SLC5A7: variants seen among roughly 807,000 people sequenced by gnomAD.
The protein encoded by SLC5A7 is solute carrier family 5 member 7, also known as high affinity choline transporter 1.
A neutral mutation model predicts 55.4 loss-of-function variants in SLC5A7; 19 were observed. The ratio of observed to expected loss-of-function variants is 0.34; its 90% CI spans 0.24 to 0.50. The LOEUF is 0.50. SLC5A7 is among the 20% of genes least tolerant of loss of function. The probability of loss-of-function intolerance (pLI) is 0.98; values close to 1 mark genes in which losing one functional copy is unlikely to be tolerated. For synonymous variants in SLC5A7, 265 were observed against 263.7 expected (o/e 1.00, Z -0.05); for missense variants, 506 against 705.3 (o/e 0.72, Z 3.20).
rs543338077 is a variant in SLC5A7, at chr2:107,988,181, T to C, written c.26T>C (p.Ile9Thr). MAFHVEGL[I>T]AIIVFYLLIL... is the part of the protein sequence containing the mutation. Reference sequence around the variant, plus strand: ...ATGGCTTTCCATGTGGAAGGACTGATAGCTATCATCGTGTTCTACCTTCTA... The same window carrying C: ...ATGGCTTTCCATGTGGAAGGACTGACAGCTATCATCGTGTTCTACCTTCTA... The change falls in exon 2 of 9, where the codon ATA (isoleucine) becomes ACA (threonine). Residue 9 changes from isoleucine to threonine, a missense_variant. By Grantham distance (89) the Ile-to-Thr change is moderately conservative (BLOSUM62 -1). This residue lies in a region of SLC5A7 where 56 missense variants were observed against 62.6 expected (regional missense o/e 0.89). Transcript: ENST00000264047. 11 of 1,614,020 alleles carry C rather than the reference T, an allele frequency of 6.8e-6. No homozygotes were observed. The East Asian group carries it at 1.8e-4, about 26-fold the overall frequency.
At chr2:107,999,231 T>A (rs1273669633) in intron 5 of SLC5A7, among the ~76,000 whole-genome samples, 1 of 152,178 alleles carries the variant, frequency 6.6e-6, no homozygotes. Context: ...CGTGCTGAAA[T>A]TCTGATTTTT....
intron 2 of SLC5A7, among the ~76,000 whole-genome samples, chr2:107,991,599 A>T (rs75393212): frequency 8.3e-4 from 127 of 152,322 alleles, no homozygotes; most frequent in African/African-American, 3.0e-3. Context: ...ACATAGATGC[A>T]TGTGTACACA....
Position 108,011,162 on chromosome 2 carries a change from G to T in SLC5A7, c.*301G>T. On this transcript the variant is annotated 3_prime_UTR_variant, in exon 9 of 9. Transcript: ENST00000264047. Reference sequence around the variant, plus strand: ...AGGGCCAAATAGAGTTTTTATATTTGTTATGATAAAAGGAAGTAGATGTGA... The same window carrying T: ...AGGGCCAAATAGAGTTTTTATATTTTTTATGATAAAAGGAAGTAGATGTGA... The T allele has an allele frequency of 4.5e-6, 1 of 222,774 alleles. No homozygotes were observed. The highest frequency in any genetic ancestry group is 8.7e-6 in the Non-Finnish European group (1 of 115,582). 13.8% of individuals were successfully genotyped at this position (222,774 alleles called of 1,614,324 possible). A position where few individuals can be genotyped will look rare whatever the true frequency, so the allele number is the denominator to read the frequency against.
intron 2 of SLC5A7, among the ~76,000 whole-genome samples, chr2:107,988,824 T>G (rs1242329126): frequency 6.6e-6 from 1 of 152,230 alleles, no homozygotes; most frequent in Non-Finnish European, 1.5e-5. Context: ...GGTGATGATA[T>G]TCCCAATTGA....
intron 8 of SLC5A7, among the ~76,000 whole-genome samples, chr2:108,009,072 G>A (rs1452784063): frequency 6.6e-6 from 1 of 151,944 alleles, no homozygotes; most frequent in Non-Finnish European, 1.5e-5. Context: ...TGTTCGACAC[G>A]TATTTTTGTA....
chr2:107,997,710 T>G (rs1309053695), intron 4 of SLC5A7, 128 bp from the exon 5 acceptor site: 2 of 905,466 alleles, frequency 2.2e-6, no homozygotes, highest in African/African-American at 3.4e-5. Context: ...CTTTAGGTGT[T>G]TTCATCCACT....
chr2:107,993,466 A>G (rs1291655562), intron 4 of SLC5A7, among the ~76,000 whole-genome samples: 2 of 152,246 alleles, frequency 1.3e-5, no homozygotes, highest in Admixed American at 6.5e-5. Flanking sequence ...TACTTAACAT[A>G]AATGTTTAAA....
At chr2:107,995,967 A>G (rs1478438676) in intron 4 of SLC5A7, among the ~76,000 whole-genome samples, 2 of 152,156 alleles carry the variant, frequency 1.3e-5, no homozygotes, top group Non-Finnish European at 2.9e-5. Flanking sequence ...AATATTTTAG[A>G]GAAAATTTTA....
At chr2:108,007,768 G>A (rs915246051) in intron 7 of SLC5A7, among the ~76,000 whole-genome samples, 1 of 152,130 alleles carries the variant, frequency 6.6e-6, no homozygotes, top group South Asian at 2.1e-4. Flanking sequence ...ATAAAAAGCC[G>A]ACTATGCTAA....
At chr2:107,995,165 C>T (rs1423668548) in intron 4 of SLC5A7, among the ~76,000 whole-genome samples, 1 of 152,134 alleles carries the variant, frequency 6.6e-6, no homozygotes, top group African/African-American at 2.4e-5. Context: ...ACAGTATAGT[C>T]TATTGCTCTT....
chr2:107,989,069 A>C (rs890440377), intron 2 of SLC5A7, among the ~76,000 whole-genome samples: 4 of 152,198 alleles, frequency 2.6e-5, no homozygotes, highest in African/African-American at 9.7e-5. Flanking sequence ...TTTGCACTAA[A>C]GTGGTTCTGT....
intron 7 of SLC5A7, among the ~76,000 whole-genome samples, chr2:108,007,792 A>G (rs796293494): frequency 1.2e-4 from 19 of 152,324 alleles, no homozygotes; most frequent in African/African-American, 4.6e-4. Flanking sequence ...ACATTTAAGG[A>G]TTCCATAGTT....
rs72935207 is a variant in SLC5A7, at chr2:107,997,687, A to G, written c.449-151A>G. ...AATTTATTAAGATATACAAATTTCAATATAAAAATTAACTTTAGGTGTTTT... is the reference window on the plus strand; with the variant it reads ...AATTTATTAAGATATACAAATTTCAGTATAAAAATTAACTTTAGGTGTTTT... On this transcript the variant is annotated intron_variant, in intron 4 of 8. Coordinates refer to ENST00000264047, the MANE Select transcript of SLC5A7 (RefSeq NM_021815.5). 2,025 of 665,812 alleles carry G rather than the reference A, an allele frequency of 3.0e-3. 27 individuals are homozygous for G. In the African/African-American group the frequency reaches 0.031, roughly 10 times the overall value. 41.2% of individuals were successfully genotyped at this position (665,812 alleles called of 1,614,324 possible).
chr2:107,990,307 AT>A (rs1486336487), intron 2 of SLC5A7, among the ~76,000 whole-genome samples: 1 of 152,166 alleles, frequency 6.6e-6, no homozygotes, highest in Non-Finnish European at 1.5e-5. Context: ...TCAGTCACCA[AT>A]TTTCTTTTTG....
intron 5 of SLC5A7, among the ~76,000 whole-genome samples, chr2:108,000,546 C>T (rs970632829): frequency 6.6e-6 from 1 of 152,182 alleles, no homozygotes; most frequent in Admixed American, 6.5e-5. Context: ...AATCCTCTAA[C>T]AGTGGCTACC....
chr2:107,998,046 A>G, intron 5 of SLC5A7, 60 bp downstream of exon 5: 1 of 1,456,952 alleles, frequency 6.9e-7, no homozygotes, highest in South Asian at 1.5e-5. Context: ...TGTATTTTAT[A>G]CTAACTCATT....
chr2:108,006,377 ATTTT>A (rs35756712), intron 7 of SLC5A7, among the ~76,000 whole-genome samples, 175 bp downstream of exon 7: 1 of 119,302 alleles, frequency 8.4e-6, no homozygotes. Flanking sequence ...AGCGGCCTCC[ATTTT>A]TTTTTTTTTT....
chr2:108,012,702 C>T lies in SLC5A7; in HGVS notation c.*1841C>T, dbSNP rs1678380467. The T allele has an allele frequency of 2.0e-5, 3 of 152,006 alleles. No homozygotes were observed. The highest frequency in any genetic ancestry group is 1.3e-4 in the Admixed American group (2 of 15,248). 9.4% of individuals were successfully genotyped at this position (152,006 alleles called of 1,614,324 possible). Reference sequence around the variant, plus strand: ...TTCATCTATTTTCTCAGAATCTATTCAGTACCCTATGGAGTACATGGAAGA... The same window carrying T: ...TTCATCTATTTTCTCAGAATCTATTTAGTACCCTATGGAGTACATGGAAGA... On this transcript the variant is annotated 3_prime_UTR_variant, in exon 9 of 9. Transcript: ENST00000264047.
Position 108,011,984 on chromosome 2 carries a change from C to A in SLC5A7, c.*1123C>A, listed in dbSNP as rs1377045975. On this transcript the variant is annotated 3_prime_UTR_variant, in exon 9 of 9. Transcript: ENST00000264047. ...ACATAAGCCAGCCTTAGAGACTAGA[C>A]AAATAACTACTGCAAAAAGTACATA... The A allele has an allele frequency of 6.6e-6, 1 of 152,460 alleles. No individual in the cohort carries two copies. The highest frequency in any genetic ancestry group is 2.4e-5 in the African/African-American group (1 of 41,410). 9.4% of individuals were successfully genotyped at this position (152,460 alleles called of 1,614,324 possible).
Sources: gnomAD v4.1 joint callset for allele counts (sites outside exome capture counted in the v4.1 genomes callset) on GRCh38, gnomAD v4.1.1 for gene constraint, gnomAD v4.1.1 regional missense constraint, MANE v1.5 for transcripts, NCBI Gene and HGNC (gene_info 2026-07-23, HGNC 2026-07-21) for gene names.